Variants in MID1 observed in about 807,000 individuals in gnomAD.
The protein encoded by MID1 is E3 ubiquitin-protein ligase Midline-1.
Under a neutral mutation model 40.4 loss-of-function variants are expected in MID1, and 7 were observed. The observed-to-expected ratio is 0.17, with a 90% CI of 0.10 to 0.33. The LOEUF (loss-of-function observed/expected upper bound fraction) is 0.33, where lower values mean the gene tolerates loss of function less well. Among genes scored for constraint, MID1 ranks in the 10% least tolerant of loss-of-function variants. MID1 has a pLI of 1.00. For synonymous variants in MID1, 229 were observed against 221.2 expected (o/e 1.04, Z -0.31); for missense variants, 367 against 558.5 (o/e 0.66, Z 3.46).
intron 1 of MID1, among the ~76,000 whole-genome samples, chrX:10,823,648 T>C (rs1041865147): frequency 2.7e-5 from 3 of 110,283 alleles, no homozygotes; most frequent in Admixed American, 9.7e-5. Context: ...GTATAATACA[T>C]ATATAATATA....
chrX:10,770,489 G>A (rs2043758185), intron 1 of MID1, among the ~76,000 whole-genome samples: 1 of 111,667 alleles, frequency 9.0e-6, no homozygotes, highest in African/African-American at 3.3e-5. Flanking sequence ...TGAGTCCAGT[G>A]TATATACCAG....
At chrX:10,794,231 T>C (rs1400384159) in intron 1 of MID1, among the ~76,000 whole-genome samples, 1 of 111,833 alleles carries the variant, frequency 8.9e-6, no homozygotes, top group Non-Finnish European at 1.9e-5. Context: ...GACCACAAAC[T>C]TCAGAAGGCC....
At chrX:10,683,770 CTTTTTTTTTTTTTTTTT>C (rs34917176) in intron 1 of MID1, among the ~76,000 whole-genome samples, 3 of 45,087 alleles carry the variant, frequency 6.7e-5, no homozygotes, top group Admixed American at 5.9e-4. Flanking sequence ...TGCACGTCAT[CTTTTTTTTTTTTTTTTT>C]TTTTTTTTTT....
chrX:10,626,776 A>G (rs1022777471), intron 1 of MID1, among the ~76,000 whole-genome samples: 2 of 112,146 alleles, frequency 1.8e-5, no homozygotes, highest in Non-Finnish European at 3.8e-5. Context: ...CTATGAAAAA[A>G]TAAATTGCTA....
At chrX:10,458,056 A>G (rs1380533089) in intron 8 of MID1, among the ~76,000 whole-genome samples, 2 of 112,652 alleles carry the variant, frequency 1.8e-5, no homozygotes, top group Non-Finnish European at 3.7e-5. Context: ...GACCTTTTTG[A>G]GAGAGAAGCA....
chrX:10,510,354 C>T (rs901939655), intron 3 of MID1, among the ~76,000 whole-genome samples: 3 of 111,678 alleles, frequency 2.7e-5, no homozygotes, highest in Non-Finnish European at 5.6e-5. Context: ...ATCCTCACCC[C>T]TATGAGGAAT....
intron 1 of MID1, among the ~76,000 whole-genome samples, chrX:10,697,992 A>G (rs969975008): frequency 8.9e-6 from 1 of 112,787 alleles, no homozygotes; most frequent in Non-Finnish European, 1.9e-5. Flanking sequence ...CTTGAAATAT[A>G]GTATGTAGAG....
intron 1 of MID1, among the ~76,000 whole-genome samples, chrX:10,733,567 T>C (rs1175418806): frequency 2.7e-5 from 3 of 111,808 alleles, no homozygotes; most frequent in African/African-American, 6.5e-5. Context: ...CACACAGACA[T>C]ATACACACAT....
At chrX:10,599,461 G>A (rs1433485197) in intron 1 of MID1, among the ~76,000 whole-genome samples, 2 of 112,179 alleles carry the variant, frequency 1.8e-5, no homozygotes, top group Admixed American at 1.9e-4. Flanking sequence ...TAATTTTCCT[G>A]AATTTTCTAT....
intron 1 of MID1, among the ~76,000 whole-genome samples, chrX:10,682,848 A>G (rs2043068864): frequency 9.0e-6 from 1 of 111,721 alleles, no homozygotes. Flanking sequence ...AGCTTCTAGA[A>G]GTTATATATG....
chrX:10,681,948 T>A (rs188730262), intron 1 of MID1, among the ~76,000 whole-genome samples: 1 of 111,971 alleles, frequency 8.9e-6, no homozygotes, highest in East Asian at 2.8e-4. Context: ...AACCTTTGTG[T>A]AAAAACAAAT....
rs35116185 is a variant in MID1 at position 10,658,428 on chromosome X, T to TAAAAAAAAAAAAAA, written c.-186-38023_-186-38010dup. Among the ~76,000 whole-genome samples, 2 of 5,570 alleles carry TAAAAAAAAAAAAAA rather than the reference T, an allele frequency of 3.6e-4. 1 individual carries two copies. The highest frequency in any genetic ancestry group is 1.1e-3 in the Non-Finnish European group (2 of 1,874). The allele number at this position is 5,570 out of a possible 115,157, so 4.8% of individuals were successfully genotyped here. The stretch of plus-strand genomic sequence containing the variant: ...CATTAAAATGGCAGTCCTTCAACTG[T>TAAAAAAAAAAAAAA]AAAAAAAAAAAAAAAAAAAAAAAAA... On this transcript the variant is annotated intron_variant, in intron 1 of 10. Coordinates refer to the MID1 transcript ENST00000380785.
chrX:10,537,592 AC>A (rs1201731869), intron 2 of MID1, among the ~76,000 whole-genome samples: 1 of 112,252 alleles, frequency 8.9e-6, no homozygotes, highest in Non-Finnish European at 1.9e-5. Flanking sequence ...ATAAAGTGTC[AC>A]TGATACAGGT....
chrX:10,516,326 C>A (rs1055853898), intron 3 of MID1, among the ~76,000 whole-genome samples: 2 of 108,514 alleles, frequency 1.8e-5, no homozygotes, highest in Non-Finnish European at 1.9e-5. Flanking sequence ...TCCCGAGTAG[C>A]TGGGACTACA....
intron 7 of MID1, 104 bp from the exon 8 acceptor site, chrX:10,459,911 G>A: frequency 1.1e-6 from 1 of 884,507 alleles, no homozygotes; most frequent in African/African-American, 1.9e-5. Flanking sequence ...GAGTTGGTAA[G>A]TGAAGTGCTT....
chrX:10,785,485 C>A (rs1423840649), intron 1 of MID1, among the ~76,000 whole-genome samples: 1 of 111,216 alleles, frequency 9.0e-6, no homozygotes, highest in African/African-American at 3.3e-5. Context: ...TCATATGGAA[C>A]CAAAAAAGAG....
At chrX:10,725,619 G>T (rs2043384901) in intron 1 of MID1, among the ~76,000 whole-genome samples, 1 of 111,796 alleles carries the variant, frequency 8.9e-6, no homozygotes, top group African/African-American at 3.3e-5. Flanking sequence ...AGCACTTTAG[G>T]AGGCCAAAGC....
chrX:10,589,712 CG>C (rs1417792967), intron 1 of MID1: 1 of 110,632 alleles, frequency 9.0e-6, no homozygotes, highest in Non-Finnish European at 1.9e-5. Context: ...AATGCCTACC[CG>C]GGAGCGCTCT....
At chrX:10,629,129 G>A (rs1936025786) in intron 1 of MID1, among the ~76,000 whole-genome samples, 1 of 111,540 alleles carries the variant, frequency 9.0e-6, no homozygotes, top group Non-Finnish European at 1.9e-5. Flanking sequence ...ACCTCCAAAA[G>A]TCTCTCATGT....
Sources: allele counts gnomAD v4.1 joint callset (sites outside exome capture counted in the v4.1 genomes callset), GRCh38; gene constraint gnomAD v4.1.1; transcripts MANE v1.5; gene names NCBI Gene and HGNC (gene_info 2026-07-23, HGNC 2026-07-21).